DCDC1: variants seen among roughly 807,000 people sequenced by gnomAD.
The protein encoded by DCDC1 is doublecortin domain containing 1.
A neutral mutation model predicts 178.3 loss-of-function variants in DCDC1; 200 were observed. The ratio of observed to expected loss-of-function variants is 1.12; its 90% confidence interval spans 1.00 to 1.26. The LOEUF (loss-of-function observed/expected upper bound fraction) is 1.26, where lower values mean the gene tolerates loss of function less well. Among genes scored for constraint, DCDC1 ranks in the 50% most tolerant of loss-of-function variants. The pLI is 0.00. For synonymous variants in DCDC1, 690 were observed against 604.8 expected (o/e 1.14, Z -2.07); for missense variants, 1,983 against 1,749.2 (o/e 1.13, Z -2.38).
At chr11:31,148,992 T>TA (rs1161920435) in intron 9 of DCDC1, among the ~76,000 whole-genome samples, 1 of 152,164 alleles carries the variant, frequency 6.6e-6, no homozygotes, top group Admixed American at 6.5e-5. Context: ...GAACATATGA[T>TA]ATCTGGTTTT....
At chr11:31,278,823 T>A (rs1017984249) in intron 7 of DCDC1, among the ~76,000 whole-genome samples, 1 of 152,020 alleles carries the variant, frequency 6.6e-6, no homozygotes, top group Non-Finnish European at 1.5e-5. Flanking sequence ...TAAATAACAA[T>A]AATAATAAAT....
intron 20 of DCDC1, among the ~76,000 whole-genome samples, chr11:31,041,953 G>A (rs79216932): frequency 0.015 from 2,293 of 152,178 alleles, 51 homozygotes; most frequent in African/African-American, 0.051. Context: ...TTTTATCACC[G>A]AACACCATGT....
At chr11:31,148,943 C>T (rs1964807521) in intron 9 of DCDC1, among the ~76,000 whole-genome samples, 1 of 151,874 alleles carries the variant, frequency 6.6e-6, no homozygotes, top group African/African-American at 2.4e-5. Context: ...TACTCTTATG[C>T]CTTCCCATCC....
chr11:31,359,768 G>A (rs1951612495), intron 1 of DCDC1, among the ~76,000 whole-genome samples: 1 of 152,092 alleles, frequency 6.6e-6, no homozygotes, highest in Non-Finnish European at 1.5e-5. Context: ...AAATGTGGGG[G>A]TGTGAGATAC....
At chr11:31,288,198 C>T (rs1490349957) in intron 7 of DCDC1, among the ~76,000 whole-genome samples, 1 of 151,868 alleles carries the variant, frequency 6.6e-6, no homozygotes, top group Non-Finnish European at 1.5e-5. Flanking sequence ...GTATCCATAT[C>T]AGCTATATTT....
intron 38 of DCDC1, among the ~76,000 whole-genome samples, chr11:30,871,956 A>ATCCC (rs1177261888): frequency 1.3e-5 from 2 of 152,062 alleles, no homozygotes; most frequent in Non-Finnish European, 2.9e-5. Flanking sequence ...ATATATATAC[A>ATCCC]TTGCAGTGGG....
At chr11:31,259,170 G>A (rs1944612716) in intron 8 of DCDC1, among the ~76,000 whole-genome samples, 1 of 152,004 alleles carries the variant, frequency 6.6e-6, no homozygotes, top group African/African-American at 2.4e-5. Context: ...GGCCAACATG[G>A]TGAAACCCCA....
intron 20 of DCDC1, among the ~76,000 whole-genome samples, chr11:30,968,080 G>C (rs1000975467): frequency 6.6e-6 from 1 of 152,132 alleles, no homozygotes; most frequent in African/African-American, 2.4e-5. Context: ...GGGTGCCAGG[G>C]ATCCCAGGAA....
At position 31,094,051 on chromosome 11, in the gene DCDC1, T is replaced by C. The variant is rs781097423; in HGVS notation, c.2117A>G (p.Lys706Arg). 2.6e-6 allele frequency: 2 copies of C among 766,022 alleles called. No individual in the cohort carries two copies. Among genetic ancestry groups the C allele is most frequent in the South Asian group, 1.3e-5 (1 of 74,602 alleles). 47.5% of individuals were successfully genotyped at this position (766,022 alleles called of 1,614,324 possible). ...WPVASVWLIT[K>R]TGMILSRAIT... The stretch of plus-strand genomic sequence containing the variant: ...GCAAAAGCAGACACTCTTAGGTACC[T>C]TGGTGATCAGCCACACACTGGCTAC... The change falls in exon 16 of 39, where the codon AAG becomes AGG. Residue 706 changes from lysine to arginine, a missense_variant and splice_region_variant. Coordinates refer to ENST00000684477, the MANE Select transcript of DCDC1 (RefSeq NM_001387274.1).
chr11:31,102,037 A>G (rs1243934154), intron 15 of DCDC1, 140 bp downstream of exon 15: 2 of 443,964 alleles, frequency 4.5e-6, no homozygotes, highest in Admixed American at 7.3e-5. Flanking sequence ...AGATGGCACC[A>G]CTGCATTCCA....
intron 20 of DCDC1, among the ~76,000 whole-genome samples, chr11:31,040,619 T>A (rs769228064): frequency 6.6e-6 from 1 of 152,188 alleles, no homozygotes; most frequent in Non-Finnish European, 1.5e-5. Context: ...CAAAAGGCGT[T>A]TGCACCAATA....
chr11:30,888,099 AAAGAAAGAAAG>A (rs1943404545), intron 36 of DCDC1, among the ~76,000 whole-genome samples: 2 of 35,742 alleles, frequency 5.6e-5, no homozygotes, highest in African/African-American at 1.1e-4. Context: ...AAAGAAAGAA[AAAGAAAGAAAG>A]AAAGAAAGAA....
At chr11:31,055,831 G>T (rs1252840363) in intron 20 of DCDC1, among the ~76,000 whole-genome samples, 1 of 152,066 alleles carries the variant, frequency 6.6e-6, no homozygotes, top group Non-Finnish European at 1.5e-5. Flanking sequence ...AGGATACAAT[G>T]GACTTTGGGT....
chr11:31,208,810 G>T (rs1480428630), intron 9 of DCDC1, among the ~76,000 whole-genome samples: 1 of 152,070 alleles, frequency 6.6e-6, no homozygotes, highest in African/African-American at 2.4e-5. Flanking sequence ...CACATGTCTG[G>T]ATCTTTCTTA....
intron 20 of DCDC1, among the ~76,000 whole-genome samples, chr11:30,999,240 A>C (rs377063423): frequency 1.3e-5 from 2 of 152,162 alleles, no homozygotes; most frequent in Non-Finnish European, 2.9e-5. Flanking sequence ...ATGAAACCTT[A>C]TAAGTCTTTA....
At chr11:31,201,520 A>G (rs1971280408) in intron 9 of DCDC1, among the ~76,000 whole-genome samples, 1 of 152,110 alleles carries the variant, frequency 6.6e-6, no homozygotes, top group South Asian at 2.1e-4. Flanking sequence ...TGTACTCAGA[A>G]TAGCTTCTTA....
At chr11:30,937,233 C>T (rs1188007694) in intron 21 of DCDC1, among the ~76,000 whole-genome samples, 1 of 152,102 alleles carries the variant, frequency 6.6e-6, no homozygotes. Flanking sequence ...ACCCCTGATA[C>T]TGCTAATTTT....
intron 7 of DCDC1, among the ~76,000 whole-genome samples, chr11:31,274,930 AC>A (rs1209471553): frequency 3.9e-5 from 6 of 151,912 alleles, no homozygotes; most frequent in Admixed American, 6.6e-5. Context: ...TGAACTCCTG[AC>A]CTCATGATCT....
At chr11:31,128,010 C>T (rs553242696) in intron 10 of DCDC1, among the ~76,000 whole-genome samples, 1 of 152,092 alleles carries the variant, frequency 6.6e-6, no homozygotes, top group South Asian at 2.1e-4. Flanking sequence ...TAACCTACCA[C>T]CAAATATTTC....
Sources: allele counts gnomAD v4.1 joint callset (sites outside exome capture counted in the v4.1 genomes callset), GRCh38; gene constraint gnomAD v4.1.1; transcripts MANE v1.5; gene names NCBI Gene and HGNC (gene_info 2026-07-23, HGNC 2026-07-21).